Variants in MAMDC4 observed in about 807,000 individuals in gnomAD.
MAMDC4 encodes the protein MAM domain containing 4.
A neutral mutation model predicts 153.3 loss-of-function variants in MAMDC4; 168 were observed. The ratio of observed to expected loss-of-function variants is 1.10; its 90% confidence interval spans 0.97 to 1.25. The LOEUF (loss-of-function observed/expected upper bound fraction) is 1.25. Among genes scored for constraint, MAMDC4 ranks in the 50% most tolerant of loss-of-function variants. The probability of loss-of-function intolerance (pLI) is 0.00; values close to 1 mark genes in which losing one functional copy is unlikely to be tolerated. For missense variants in MAMDC4, 1,701 were observed against 1,542.8 expected (o/e 1.10, Z -1.72); for synonymous variants, 744 against 651.5 (o/e 1.14, Z -2.16).
chr9:136,858,188 GGT>G lies in MAMDC4; in HGVS notation c.2589_2590del (p.Phe864Ter), dbSNP rs1849035163. On this transcript the variant is annotated frameshift_variant, in exon 21 of 27. Coordinates refer to ENST00000317446, the MANE Select transcript of MAMDC4 (RefSeq NM_206920.3). LOFTEE classifies it high-confidence loss of function. Reference sequence around the variant, plus strand: ...CTGCCCTGCCCTGCACCCGCCAGGTGGTGTTTGAGGCAGTGGCCGCAGGCGTG... The same window carrying G: ...CTGCCCTGCCCTGCACCCGCCAGGTGGTTTGAGGCAGTGGCCGCAGGCGTG... The part of the protein sequence containing the change: ...DVQAERAWRV[V>X]FEAVAAGVAH... 1 of 1,588,360 alleles carries G rather than the reference GGT, an allele frequency of 6.3e-7. No individual in the cohort carries two copies. The highest frequency in any genetic ancestry group is 8.5e-7 in the Non-Finnish European group (1 of 1,172,124).
At position 136,857,652 on chromosome 9, in the gene MAMDC4, C is replaced by T; in HGVS notation, c.2327-7C>T. ...AGGGGCTGGCAGGCTGATGCTGGCACCTCCAGGGCACTACATGGTGGTGGA... is the reference window on the plus strand; with the variant it reads ...AGGGGCTGGCAGGCTGATGCTGGCATCTCCAGGGCACTACATGGTGGTGGA... On this transcript the variant is annotated splice_polypyrimidine_tract_variant and splice_region_variant and intron_variant, in intron 18 of 26. Transcript: ENST00000317446. 4 of 1,612,544 alleles carry T rather than the reference C, an allele frequency of 2.5e-6. No homozygotes were observed. Among genetic ancestry groups the T allele is most frequent in the Non-Finnish European group, 3.4e-6 (4 of 1,179,832 alleles).
chr9:136,860,582 ATC>A lies in MAMDC4; in HGVS notation c.3395_3396del (p.Ser1132CysfsTer4). ...FNADGVTLPA[S>X]VTSDP The stretch of plus-strand genomic sequence containing the variant: ...CCTAGGATGGTGTCACCCTCCCGGC[ATC>A]TGTCACCAGTGATCCGTAGACCACC... On this transcript the variant is annotated frameshift_variant, in exon 27 of 27. Coordinates refer to ENST00000317446, the MANE Select transcript of MAMDC4 (RefSeq NM_206920.3). LOFTEE classifies it high-confidence loss of function. 1 of 1,613,040 alleles carries A rather than the reference ATC, an allele frequency of 6.2e-7. No individual in the cohort carries two copies.
In MAMDC4 at chr9:136,855,284, G is replaced by A; in HGVS notation, c.1228G>A (p.Gly410Ser). Residue 410 changes from glycine (G) to serine (S), a missense_variant, in exon 11 of 27, where the codon GGC becomes AGC. Physicochemically the swap from Gly to Ser is moderately conservative, Grantham distance 56 (BLOSUM62 0). Transcript: ENST00000317446. ...ILLAGQTGPG[G>S]VVGLDDLILS... ...CCTGGCCGGGCAGACAGGCCCGGGGGGCGTCGTGGGTCTGGACGACCTCAT... is the reference window on the plus strand; with the variant it reads ...CCTGGCCGGGCAGACAGGCCCGGGGAGCGTCGTGGGTCTGGACGACCTCAT... 2 of 1,603,734 alleles carry A rather than the reference G, an allele frequency of 1.2e-6. No homozygotes were observed. Among genetic ancestry groups the A allele is most frequent in the Non-Finnish European group, 1.7e-6 (2 of 1,175,138 alleles).
intron 14 of MAMDC4, chr9:136,856,372 G>A (rs1359679085): frequency 2.3e-6 from 2 of 873,290 alleles, no homozygotes; most frequent in Non-Finnish European, 4.0e-6. Context: ...CCCGCCGCCG[G>A]CCCTTCCGGG....
rs1323824859 is a variant in MAMDC4 at position 136,858,077 on chromosome 9, C to T, written c.2563C>T (p.Gln855Ter). 1 of 1,531,498 alleles carries T rather than the reference C, an allele frequency of 6.5e-7. No individual in the cohort carries two copies. The highest frequency in any genetic ancestry group is 1.4e-5 in the African/African-American group (1 of 72,922). The allele number at this position is 1,531,498 out of a possible 1,614,324, so 94.9% of individuals were successfully genotyped here. A position where few individuals can be genotyped will look rare whatever the true frequency, so the allele number is the denominator to read the frequency against. Residue 855 changes from glutamine to a stop codon, truncating the protein, a stop_gained, in exon 20 of 27, where the codon CAG becomes TAG. Coordinates refer to ENST00000317446, the MANE Select transcript of MAMDC4 (RefSeq NM_206920.3). LOFTEE classifies it high-confidence loss of function. ...CTGGCGCCTGGGCAGCATGGACGTGCAGGCCGAGCGAGCCTGGAGGGTGAG... is the reference window on the plus strand; with the variant it reads ...CTGGCGCCTGGGCAGCATGGACGTGTAGGCCGAGCGAGCCTGGAGGGTGAG... ...LAWRLGSMDV[Q>*]AERAWRVVFE... is the part of the protein sequence containing the mutation.
intron 10 of MAMDC4, 43 bp from the exon 11 acceptor site, chr9:136,855,211 G>C: frequency 6.3e-7 from 1 of 1,577,702 alleles, no homozygotes; most frequent in Middle Eastern, 1.7e-4. Context: ...CCAGACCCCA[G>C]GGGGAAATAG....
In MAMDC4 at chr9:136,857,216, C is replaced by T. The variant is rs760754061; in HGVS notation, c.2024C>T (p.Ser675Leu). Residue 675 changes from serine (S) to leucine (L), a missense_variant, in exon 17 of 27, where the codon TCG becomes TTG. Transcript: ENST00000317446. Reference protein sequence around the residue: ...RREGEETHLWSRSGTQGNRWH... With the variant: ...RREGEETHLWLRSGTQGNRWH... ...GAAGGGGAGGAGACACACCTGTGGT[C>T]GCGGTCAGGCACCCAGGGCAACCGC... 1.8e-5 allele frequency: 29 copies of T among 1,611,410 alleles called. No homozygotes were observed. In the South Asian group the frequency reaches 2.2e-4, roughly 12 times the overall value.
chr9:136,860,466 A>G (rs1323805245), intron 26 of MAMDC4, 96 bp from the exon 27 acceptor site: 1 of 1,325,028 alleles, frequency 7.5e-7, no homozygotes, highest in African/African-American at 1.5e-5. Flanking sequence ...GGTTGCAGTG[A>G]GCGAAGATCG....
intron 14 of MAMDC4, 197 bp downstream of exon 14, chr9:136,856,346 A>G (rs762663255): frequency 8.0e-6 from 8 of 998,132 alleles, no homozygotes; most frequent in Non-Finnish European, 1.3e-5. Flanking sequence ...GAAGGTGGAC[A>G]AGGTCCTTCT....
At chr9:136,860,354 A>T (rs1815523) in intron 26 of MAMDC4, among the ~76,000 whole-genome samples, 152,295 of 152,320 alleles carry the variant, frequency 1, 76,135 homozygotes, top group Middle Eastern at 1. Flanking sequence ...ACCCCGTCTC[A>T]ACTAAAACTA....
intron 13 of MAMDC4, 74 bp from the exon 14 acceptor site, chr9:136,855,944 G>A (rs1848998121): frequency 6.4e-7 from 1 of 1,553,090 alleles, no homozygotes; most frequent in Non-Finnish European, 8.7e-7. Flanking sequence ...GAGGGTCTCT[G>A]GACTGGGGAT....
Position 136,856,712 on chromosome 9 carries a change from G to A in MAMDC4, c.1723G>A (p.Val575Ile), listed in dbSNP as rs117093136. The A allele has an allele frequency of 0.052, 84,592 of 1,612,462 alleles. 2,650 individuals are homozygous for A. Among genetic ancestry groups the A allele is most frequent in the Non-Finnish European group, 0.061 (71,930 of 1,179,750 alleles). ...ACGCCACCTGGCCCCACCCCCAGAG[G>A]TCTCCTGTAACTTTGAGCGGGACAC... is the stretch of plus-strand genomic sequence containing the variant. ...AYYLQSQPREVSCNFERDTCS... is the reference protein window; with the variant it reads ...AYYLQSQPREISCNFERDTCS... The change falls in exon 15 of 27, where the codon GTC (valine) becomes ATC (isoleucine). Residue 575 changes from valine to isoleucine, a missense_variant and splice_region_variant. By Grantham distance (29) the Val-to-Ile change is conservative. Transcript: ENST00000317446.
intron 7 of MAMDC4, 45 bp from the exon 8 acceptor site, chr9:136,854,494 G>A (rs1310364231): frequency 1.9e-6 from 3 of 1,572,942 alleles, no homozygotes; most frequent in Non-Finnish European, 2.6e-6. Flanking sequence ...TACGGCTTCA[G>A]GAAGCACTGC....
intron 2 of MAMDC4, 36 bp downstream of exon 2, chr9:136,853,245 C>G (rs377511715): frequency 6.2e-7 from 1 of 1,611,880 alleles, no homozygotes; most frequent in South Asian, 1.1e-5. Flanking sequence ...AGGGCCAGTG[C>G]GAGCAGGTCT....
At position 136,857,656 on chromosome 9, in the gene MAMDC4, C is replaced by T. The variant is rs1212663561; in HGVS notation, c.2327-3C>T. 6.2e-7 allele frequency: 1 copy of T among 1,612,604 alleles called. No homozygotes were observed. On this transcript the variant is annotated splice_polypyrimidine_tract_variant and splice_region_variant and intron_variant, in intron 18 of 26. Coordinates refer to ENST00000317446, the MANE Select transcript of MAMDC4 (RefSeq NM_206920.3). Reference sequence around the variant, plus strand: ...GCTGGCAGGCTGATGCTGGCACCTCCAGGGCACTACATGGTGGTGGACACA... The same window carrying T: ...GCTGGCAGGCTGATGCTGGCACCTCTAGGGCACTACATGGTGGTGGACACA...
chr9:136,853,725 G>GCC, intron 4 of MAMDC4, 52 bp from the exon 5 acceptor site: 26 of 578,928 alleles, frequency 4.5e-5, no homozygotes, highest in Non-Finnish European at 7.2e-5. Flanking sequence ...GGGCGGGTGG[G>GCC]CAGCTGGGGA....
chr9:136,860,202 C>A (rs996734963), intron 26 of MAMDC4, 138 bp downstream of exon 26: 1 of 1,033,306 alleles, frequency 9.7e-7, no homozygotes, highest in African/African-American at 1.6e-5. Flanking sequence ...CCTGCCCTGC[C>A]TCTCCCAGCC....
chr9:136,855,936 G>A (rs560474112), intron 13 of MAMDC4, 82 bp from the exon 14 acceptor site: 3 of 1,542,434 alleles, frequency 1.9e-6, no homozygotes, highest in East Asian at 2.3e-5. Context: ...GCACTACAGA[G>A]GGTCTCTGGA....
In MAMDC4 at chr9:136,857,584, A is replaced by G. The variant is rs1849025303; in HGVS notation, c.2324A>G (p.Gln775Arg). The change falls in exon 18 of 27, where the codon CAA (glutamine) becomes CGA (arginine). Residue 775 changes from glutamine to arginine, a missense_variant and splice_region_variant. Gln to Arg is a conservative substitution (Grantham distance 43, BLOSUM62 1). Transcript: ENST00000317446. ...ACAGACCATACCACTGAGACAGCCC[A>G]AGGTATGGGGGCCTGGCAGGGGCAG... Reference protein sequence around the residue: ...PPTDHTTETAQGHYMVVDTSP... With the variant: ...PPTDHTTETARGHYMVVDTSP... 6.2e-7 allele frequency: 1 copy of G among 1,612,390 alleles called. No homozygotes were observed. The highest frequency in any genetic ancestry group is 1.3e-5 in the African/African-American group (1 of 74,890).
Sources: allele counts gnomAD v4.1 joint callset (sites outside exome capture counted in the v4.1 genomes callset), GRCh38; gene constraint gnomAD v4.1.1; transcripts MANE v1.5; gene names NCBI Gene and HGNC (gene_info 2026-07-23, HGNC 2026-07-21).